TMEM214: variants seen among roughly 807,000 people sequenced by gnomAD.
TMEM214 encodes the protein transmembrane protein 214.
Under a neutral mutation model 89.8 loss-of-function variants are expected in TMEM214, and 71 were observed. The ratio of observed to expected loss-of-function variants is 0.79; its 90% CI spans 0.65 to 0.96. The LOEUF (loss-of-function observed/expected upper bound fraction) is 0.96. Among genes scored for constraint, TMEM214 ranks in the 40% least tolerant of loss-of-function variants. The pLI is 0.00. For synonymous variants in TMEM214, 332 were observed against 349.5 expected, an observed-to-expected ratio of 0.95 and a Z score of 0.56; for missense variants, 754 against 843.4, an observed-to-expected ratio of 0.89 and a Z score of 1.31.
At chr2:27,036,396 TC>T in intron 5 of TMEM214, 90 bp from the exon 6 acceptor site, 7 of 1,104,056 alleles carry the variant, frequency 6.3e-6, no homozygotes, top group Non-Finnish European at 9.7e-6. Context: ...TCCTCCCTCT[TC>T]CAGTTGACAT....
At position 27,034,099 on chromosome 2, in the gene TMEM214, C is replaced by A. The variant is rs185429302; in HGVS notation, c.184C>A (p.Arg62=). Residue 62 remains arginine, a synonymous_variant, in exon 2 of 17, where the codon CGG becomes AGG. Transcript: ENST00000238788. The part of the protein sequence containing the change: ...AIQTTSTLYE[R]GFENIMKRQN... The stretch of plus-strand genomic sequence containing the variant: ...CCAGACCACAAGCACCCTTTATGAG[C>A]GGGGCTTTGAGAATATCATGAAGCG... 6.2e-7 allele frequency: 1 copy of A among 1,614,000 alleles called. No individual in the cohort carries two copies. Among genetic ancestry groups the A allele is most frequent in the East Asian group, 2.2e-5 (1 of 44,860 alleles).
rs549882802 is a variant in TMEM214, at chr2:27,035,582, T to C, written c.503-12T>C. 13 of 1,614,100 alleles carry C rather than the reference T, an allele frequency of 8.1e-6. No homozygotes were observed. The highest frequency in any genetic ancestry group is 3.3e-5 in the Admixed American group (2 of 60,020). On this transcript the variant is annotated splice_polypyrimidine_tract_variant and intron_variant, in intron 3 of 16. Transcript: ENST00000238788. ...TGGTCCTAGCACTCACATTGAGGCC[T>C]ATGGGCCTTAGATTATCCCTACAGC...
At position 27,038,592 on chromosome 2, in the gene TMEM214, G is replaced by A; in HGVS notation, c.1293+60G>A. On this transcript the variant is annotated intron_variant, in intron 11 of 16. Transcript: ENST00000238788. This position sits in a 1 kb window ranked among gnomAD's most constrained non-coding sequence, Gnocchi z 4.4. ...TGTCTGGATTCTAGGTTCTGAGTGG[G>A]GGCTCCTCAGCCACTGTCCCTTCCC... 1 of 1,609,028 alleles carries A rather than the reference G, an allele frequency of 6.2e-7. No individual in the cohort carries two copies. Among genetic ancestry groups the A allele is most frequent in the Non-Finnish European group, 8.5e-7 (1 of 1,176,096 alleles).
At position 27,034,265 on chromosome 2, in the gene TMEM214, C is replaced by T; in HGVS notation, c.350C>T (p.Ala117Val). 6.2e-7 allele frequency: 1 copy of T among 1,613,496 alleles called. No individual in the cohort carries two copies. Among genetic ancestry groups the T allele is most frequent in the Non-Finnish European group, 8.5e-7 (1 of 1,179,970 alleles). Residue 117 changes from alanine (A) to valine (V), a missense_variant and splice_region_variant, in exon 2 of 17, where the codon GCT becomes GTT. Physicochemically the swap from Ala to Val is moderately conservative, Grantham distance 64. Coordinates refer to ENST00000238788, the MANE Select transcript of TMEM214 (RefSeq NM_017727.5). ...RFRSLEEALK[A>V]LDVADLQKEL... ...CGCAGCCTGGAGGAAGCACTGAAAG[C>T]TGTGAGTGTGCCTAGACATGAGACG...
chr2:27,037,793 C>T (rs755956108), intron 9 of TMEM214, 91 bp downstream of exon 9: 2 of 1,612,068 alleles, frequency 1.2e-6, no homozygotes, highest in South Asian at 2.2e-5. Flanking sequence ...TTCACAGAGC[C>T]CATTCTGAGG....
intron 9 of TMEM214, 151 bp from the exon 10 acceptor site, chr2:27,037,995 C>G (rs1241156535): frequency 6.4e-7 from 1 of 1,574,762 alleles, no homozygotes; most frequent in South Asian, 1.2e-5. Context: ...TCTCAGAGAG[C>G]TTTCTGGAGT....
At chr2:27,034,498 T>TG in intron 2 of TMEM214, 1 of 539,344 alleles carries the variant, frequency 1.9e-6, no homozygotes, top group Non-Finnish European at 3.3e-6. Context: ...AGGAAAGCCT[T>TG]GAAGACCCAG....
At chr2:27,036,411 C>A in intron 5 of TMEM214, 76 bp from the exon 6 acceptor site, 1 of 1,226,718 alleles carries the variant, frequency 8.2e-7, no homozygotes, top group Non-Finnish European at 1.2e-6. Context: ...TTGACATCTC[C>A]CTTCCCTCCT....
chr2:27,039,923 C>T (rs1299069362), intron 14 of TMEM214, 86 bp downstream of exon 14: 3 of 1,598,310 alleles, frequency 1.9e-6, no homozygotes, highest in East Asian at 4.5e-5. Flanking sequence ...GTGGGAAGCG[C>T]TTGTGATTCT....
chr2:27,037,742 G>C, intron 9 of TMEM214, 40 bp downstream of exon 9: 2 of 1,614,040 alleles, frequency 1.2e-6, no homozygotes, highest in Non-Finnish European at 1.7e-6. Flanking sequence ...TTCCCCAGGG[G>C]TCAGCTGTAG....
chr2:27,036,658 C>G (rs770324966), intron 6 of TMEM214, 47 bp from the exon 7 acceptor site: 27 of 1,612,670 alleles, frequency 1.7e-5, no homozygotes, highest in Non-Finnish European at 2.1e-5. Context: ...TTGATGCCCC[C>G]AGTAGGTGCA....
In TMEM214 at chr2:27,037,716, G is replaced by A; in HGVS notation, c.1152+14G>A. The A allele has an allele frequency of 1.2e-6, 2 of 1,614,076 alleles. No homozygotes were observed. Among genetic ancestry groups the A allele is most frequent in the East Asian group, 2.2e-5 (1 of 44,856 alleles). ...ATGAAGAAAGAGGTGAGGATATGGTGGGAGGCTTTTTCTCCTTCCCCAGGG... is the reference window on the plus strand; with the variant it reads ...ATGAAGAAAGAGGTGAGGATATGGTAGGAGGCTTTTTCTCCTTCCCCAGGG... On this transcript the variant is annotated intron_variant, in intron 9 of 16. Coordinates refer to ENST00000238788, the MANE Select transcript of TMEM214 (RefSeq NM_017727.5).
intron 16 of TMEM214, 27 bp downstream of exon 16, chr2:27,040,523 A>G: frequency 6.2e-7 from 1 of 1,608,918 alleles, no homozygotes; most frequent in South Asian, 1.1e-5. Flanking sequence ...GGGCTCCGGC[A>G]GGATCCCCAG....
intron 14 of TMEM214, 64 bp from the exon 15 acceptor site, chr2:27,039,966 T>G (rs1346326535): frequency 6.3e-7 from 1 of 1,592,912 alleles, no homozygotes; most frequent in African/African-American, 1.3e-5. Context: ...CCCAGCTGTT[T>G]CTTGGGAGCT....
chr2:27,039,278 C>T (rs1275413007), intron 13 of TMEM214, 114 bp downstream of exon 13: 3 of 872,310 alleles, frequency 3.4e-6, no homozygotes, highest in Non-Finnish European at 5.4e-6. Flanking sequence ...GTTCTCAATC[C>T]TGCAGAGTAA....
intron 8 of TMEM214, 55 bp from the exon 9 acceptor site, chr2:27,037,506 T>G: frequency 6.2e-7 from 1 of 1,611,646 alleles, no homozygotes; most frequent in South Asian, 1.1e-5. Context: ...AAAAGGTTCA[T>G]ATCATACAGC....
chr2:27,034,072 A>G lies in TMEM214; in HGVS notation c.157A>G (p.Ile53Val), dbSNP rs1303116519. 2 of 1,614,066 alleles carry G rather than the reference A, an allele frequency of 1.2e-6. No individual in the cohort carries two copies. Among genetic ancestry groups the G allele is most frequent in the South Asian group, 1.1e-5 (1 of 91,078 alleles). ...GVWKYDLTPAIQTTSTLYERG... is the reference protein window; with the variant it reads ...GVWKYDLTPAVQTTSTLYERG... ...TCTACCTATCTTCACCCCAGCTGCA[A>G]TCCAGACCACAAGCACCCTTTATGA... Residue 53 changes from isoleucine (I) to valine (V), a missense_variant, in exon 2 of 17, where the codon ATC becomes GTC. Coordinates refer to ENST00000238788, the MANE Select transcript of TMEM214 (RefSeq NM_017727.5).
chr2:27,040,763 T>C lies in TMEM214; in HGVS notation c.1996T>C (p.Trp666Arg). Residue 666 changes from tryptophan to arginine, a missense_variant, in exon 17 of 17, where the codon TGG (tryptophan) becomes CGG (arginine). Trp to Arg is a moderately radical substitution (Grantham distance 101). Transcript: ENST00000238788. Reference protein sequence around the residue: ...MKTQLSEAVHWTWLCLQDITV... With the variant: ...MKTQLSEAVHRTWLCLQDITV... Reference sequence around the variant, plus strand: ...GACACAGCTCAGTGAGGCTGTCCACTGGACCTGGCTTTGCCTACAGGACAT... The same window carrying C: ...GACACAGCTCAGTGAGGCTGTCCACCGGACCTGGCTTTGCCTACAGGACAT... 1.9e-6 allele frequency: 3 copies of C among 1,614,224 alleles called. No homozygotes were observed. The highest frequency in any genetic ancestry group is 2.5e-6 in the Non-Finnish European group (3 of 1,180,034).
chr2:27,039,950 C>A, intron 14 of TMEM214, 80 bp from the exon 15 acceptor site: 1 of 1,594,600 alleles, frequency 6.3e-7, no homozygotes, highest in Non-Finnish European at 8.5e-7. Flanking sequence ...CCACGGCCTC[C>A]CTTTCCCCAG....
Sources: gnomAD v4.1 joint callset for allele counts on GRCh38, gnomAD v4.1.1 for gene constraint, Gnocchi (gnomAD v3.1) non-coding constraint, MANE v1.5 for transcripts, NCBI Gene and HGNC (gene_info 2026-07-23, HGNC 2026-07-21) for gene names.